Variants in PEPD observed in about 807,000 individuals in gnomAD.
PEPD encodes xaa-Pro dipeptidase.
A neutral mutation model predicts 60.7 loss-of-function variants in PEPD; 53 were observed. The ratio of observed to expected loss-of-function variants is 0.87; its 90% CI spans 0.70 to 1.10. PEPD has a LOEUF of 1.10. Among genes scored for constraint, PEPD ranks in the 50% least tolerant of loss-of-function variants. PEPD has a pLI of 0.00. For synonymous variants in PEPD, 267 were observed against 284.1 expected, an observed-to-expected ratio of 0.94 and a Z score of 0.60; for missense variants, 711 against 711.9, an observed-to-expected ratio of 1.00 and a Z score of 0.01.
chr19:33,438,521 C>T (rs1397731349), intron 9 of PEPD, among the ~76,000 whole-genome samples: 4 of 152,244 alleles, frequency 2.6e-5, no homozygotes, highest in Admixed American at 6.5e-5. Flanking sequence ...GTCTTGCCAA[C>T]GGTGAGTGTT....
intron 9 of PEPD, among the ~76,000 whole-genome samples, chr19:33,421,946 G>A (rs1170027067): frequency 6.6e-6 from 1 of 151,908 alleles, no homozygotes; most frequent in Non-Finnish European, 1.5e-5. Flanking sequence ...GGTCTGGCTG[G>A]CCCCCCTGCT....
At chr19:33,424,949 A>G (rs955653724) in intron 9 of PEPD, among the ~76,000 whole-genome samples, 19 of 152,152 alleles carry the variant, frequency 1.2e-4, no homozygotes, top group Admixed American at 6.5e-4. Flanking sequence ...TTCAATATCC[A>G]CACAGCCAAA....
Position 33,435,936 on chromosome 19 carries a change from G to A in PEPD, c.672-22293C>T, listed in dbSNP as rs1446286262. 2.6e-5 allele frequency among the ~76,000 whole-genome samples: 4 copies of A among 152,272 alleles called. No homozygotes were observed. The East Asian group carries it at 5.8e-4, about 22-fold the overall frequency. Reference sequence around the variant, plus strand: ...GGTGGGGGCATGGGAGAGGCATACTGGCCTCCAAGAAGCGGTGAGCAGGGA... The same window carrying A: ...GGTGGGGGCATGGGAGAGGCATACTAGCCTCCAAGAAGCGGTGAGCAGGGA... On this transcript the variant is annotated intron_variant, in intron 9 of 14. Transcript: ENST00000244137.
rs1968091239 is a variant in PEPD, at chr19:33,387,231, G to T, written c.*113C>A. 7.9e-7 allele frequency: 1 copy of T among 1,270,462 alleles called. No individual in the cohort carries two copies. Among genetic ancestry groups the T allele is most frequent in the Admixed American group, 1.7e-5 (1 of 57,768 alleles). 78.7% of individuals were successfully genotyped at this position (1,270,462 alleles called of 1,614,324 possible). The stretch of plus-strand genomic sequence containing the variant: ...TGGTCTGATCAAATGCCGAAGCTGG[G>T]ATCTGATTCTGGGTGCCGTCTCTCG... On this transcript the variant is annotated 3_prime_UTR_variant, in exon 15 of 15. Coordinates refer to ENST00000244137, the MANE Select transcript of PEPD (RefSeq NM_000285.4).
intron 11 of PEPD, among the ~76,000 whole-genome samples, chr19:33,403,896 C>G (rs1240163021): frequency 6.6e-6 from 1 of 152,246 alleles, no homozygotes; most frequent in East Asian, 1.9e-4. Flanking sequence ...GTCACAGGAT[C>G]TCTGGATGCA....
chr19:33,414,301 C>T (rs1220492165), intron 9 of PEPD, among the ~76,000 whole-genome samples: 1 of 152,224 alleles, frequency 6.6e-6, no homozygotes, highest in Non-Finnish European at 1.5e-5. Flanking sequence ...CGGGTAGGGC[C>T]ACAGCCAAGT....
In PEPD at chr19:33,387,544, G is replaced by A. The variant is rs952590987; in HGVS notation, c.1345-63C>T. 2.9e-5 allele frequency: 47 copies of A among 1,596,706 alleles called. 1 individual carries two copies. The highest frequency in any genetic ancestry group is 2.1e-4 in the African/African-American group (16 of 74,718). ...GCCTCATGTGCCAGGCTAGAGGGCC[G>A]GGCCCATTCCAGGCCCACCCCACCA... On this transcript the variant is annotated intron_variant, in intron 14 of 14. Coordinates refer to ENST00000244137, the MANE Select transcript of PEPD (RefSeq NM_000285.4).
intron 9 of PEPD, among the ~76,000 whole-genome samples, chr19:33,439,096 G>A (rs190581982): frequency 6.6e-6 from 1 of 152,352 alleles, no homozygotes; most frequent in East Asian, 1.9e-4. Context: ...GGCTGCCCAA[G>A]GACAGGACAT....
At position 33,437,850 on chromosome 19, in the gene PEPD, G is replaced by A. The variant is rs74888659; in HGVS notation, c.672-24207C>T. Among the ~76,000 whole-genome samples, 45 of 152,188 alleles carry A rather than the reference G, an allele frequency of 3.0e-4. No homozygotes were observed. In the East Asian group the frequency reaches 8.3e-3, roughly 28 times the overall value. On this transcript the variant is annotated intron_variant, in intron 9 of 14. Coordinates refer to ENST00000244137, the MANE Select transcript of PEPD (RefSeq NM_000285.4). ...GTTCAGGCCATTTTTCTCAACCCTCGCCAGTTTCTGGCACATAATCTCATT... is the reference window on the plus strand; with the variant it reads ...GTTCAGGCCATTTTTCTCAACCCTCACCAGTTTCTGGCACATAATCTCATT...
intron 3 of PEPD, among the ~76,000 whole-genome samples, chr19:33,506,650 C>A (rs556201917): frequency 7.0e-6 from 1 of 143,538 alleles, no homozygotes; most frequent in African/African-American, 2.6e-5. Flanking sequence ...CACATGCCCA[C>A]ACACACTCCC....
At chr19:33,447,849 T>C (rs2145245534) in intron 9 of PEPD, among the ~76,000 whole-genome samples, 1 of 151,886 alleles carries the variant, frequency 6.6e-6, no homozygotes, top group South Asian at 2.1e-4. Context: ...ACAGACAGAG[T>C]CCAAACCCTC....
intron 9 of PEPD, among the ~76,000 whole-genome samples, chr19:33,457,849 A>G (rs956755486): frequency 7.6e-6 from 1 of 132,360 alleles, no homozygotes; most frequent in Non-Finnish European, 1.6e-5. Flanking sequence ...AAACAAACAA[A>G]CAAGCAAACA....
chr19:33,501,026 CA>C (rs1379226304), intron 3 of PEPD, 25 bp from the exon 4 acceptor site: 3 of 1,460,110 alleles, frequency 2.1e-6, no homozygotes, highest in Admixed American at 1.7e-5. Flanking sequence ...CAAGGAATAT[CA>C]GGGTCAGGGC....
chr19:33,465,247 G>A (rs1470150470), intron 7 of PEPD, among the ~76,000 whole-genome samples: 1 of 152,176 alleles, frequency 6.6e-6, no homozygotes, highest in African/African-American at 2.4e-5. Context: ...ATGCTCTGAT[G>A]TCCTTAGGTA....
At chr19:33,413,280 C>T (rs965961375) in intron 10 of PEPD, among the ~76,000 whole-genome samples, 4 of 152,220 alleles carry the variant, frequency 2.6e-5, no homozygotes, top group African/African-American at 9.6e-5. Flanking sequence ...CCTTCCTGTG[C>T]TTAGCTGCTG....
intron 7 of PEPD, chr19:33,477,165 G>A (rs1970231919): frequency 6.6e-6 from 1 of 152,326 alleles, no homozygotes; most frequent in Admixed American, 6.5e-5. Context: ...CCTTTCTCTT[G>A]TTTCTGTGAA....
chr19:33,434,040 C>G (rs886880285), intron 9 of PEPD, among the ~76,000 whole-genome samples: 2 of 152,164 alleles, frequency 1.3e-5, no homozygotes, highest in African/African-American at 4.8e-5. Context: ...GCTCACCACC[C>G]CTTCTCTTCC....
intron 6 of PEPD, among the ~76,000 whole-genome samples, chr19:33,485,103 G>A (rs1970373434): frequency 1.3e-5 from 2 of 152,084 alleles, no homozygotes; most frequent in South Asian, 4.1e-4. Flanking sequence ...CAAAGATGAG[G>A]CAGCCCCTCC....
At chr19:33,502,232 C>T (rs993673787) in intron 3 of PEPD, among the ~76,000 whole-genome samples, 3 of 152,226 alleles carry the variant, frequency 2.0e-5, no homozygotes, top group African/African-American at 7.2e-5. Flanking sequence ...CCCACCTCAT[C>T]ACACGGGCTC....
Sources: allele counts gnomAD v4.1 joint callset (sites outside exome capture counted in the v4.1 genomes callset), GRCh38; gene constraint gnomAD v4.1.1; transcripts MANE v1.5; gene names NCBI Gene and HGNC (gene_info 2026-07-23, HGNC 2026-07-21).